The following TRPV5 variants were observed in gnomAD, a reference collection of about 807,000 sequenced individuals.
TRPV5 encodes the protein transient receptor potential cation channel subfamily V member 5.
A neutral mutation model predicts 74.1 loss-of-function variants in TRPV5; 66 were observed. The observed-to-expected ratio is 0.89, with a 90% CI of 0.73 to 1.09. TRPV5 has a LOEUF of 1.09. Among genes scored for constraint, TRPV5 ranks in the 50% least tolerant of loss-of-function variants. The pLI, the probability that TRPV5 is intolerant of heterozygous loss-of-function variation, is 0.00. For missense variants in TRPV5, 936 were observed against 930.4 expected, an observed-to-expected ratio of 1.01 and a Z score of -0.08; for synonymous variants, 399 against 360.7, an observed-to-expected ratio of 1.11 and a Z score of -1.20.
At chr7:142,933,244 G>C (rs565012250) in intron 1 of TRPV5, 88 bp downstream of exon 1, 2 of 1,519,142 alleles carry the variant, frequency 1.3e-6, no homozygotes, top group South Asian at 2.5e-5. Context: ...TACACTTCTA[G>C]GGTGCTGTAT....
In TRPV5 at chr7:142,908,461, G is replaced by T. The variant is rs1253518339; in HGVS notation, c.*53C>A. 4 of 1,592,554 alleles carry T rather than the reference G, an allele frequency of 2.5e-6. No individual in the cohort carries two copies. Among genetic ancestry groups the T allele is most frequent in the Non-Finnish European group, 3.4e-6 (4 of 1,164,482 alleles). On this transcript the variant is annotated 3_prime_UTR_variant, in exon 15 of 15. Transcript: ENST00000265310. ...TGCATAGGCAGAGGTCTCCGTCTCT[G>T]TCCCCGCCCCCAGGCCAACCGGGAG...
intron 1 of TRPV5, among the ~76,000 whole-genome samples, chr7:142,931,019 T>TTTC (rs1405394416): frequency 9.7e-6 from 1 of 103,004 alleles, no homozygotes; most frequent in East Asian, 2.2e-4. Context: ...CTCAGGCTAT[T>TTTC]TTTTTTTTTT....
Position 142,914,981 on chromosome 7 carries a change from A to G in TRPV5, c.1352T>C (p.Val451Ala), listed in dbSNP as rs2116580136. ...CACCAGGGCAAAGGACATGGGCACC[A>G]CCTCCCCATTGGTGTTGGTGAGCCG... is the stretch of plus-strand genomic sequence containing the variant. Reference protein sequence around the residue: ...VMRLTNTNGEVVPMSFALVLG... With the variant: ...VMRLTNTNGEAVPMSFALVLG... The change falls in exon 11 of 15, where the codon GTG (valine) becomes GCG (alanine). Residue 451 changes from valine (V) to alanine (A), a missense_variant. By Grantham distance (64) the Val-to-Ala change is moderately conservative. Coordinates refer to ENST00000265310, the MANE Select transcript of TRPV5 (RefSeq NM_019841.7). 1 of 1,613,954 alleles carries G rather than the reference A, an allele frequency of 6.2e-7. No homozygotes were observed. The highest frequency in any genetic ancestry group is 2.2e-5 in the East Asian group (1 of 44,866).
rs78970331 is a variant in TRPV5, at chr7:142,911,725, C to T, written c.1788+757G>A. 1.7e-3 allele frequency among the ~76,000 whole-genome samples: 257 copies of T among 152,280 alleles called. 1 individual carries two copies. The highest frequency in any genetic ancestry group is 6.0e-3 in the African/African-American group (250 of 41,552). On this transcript the variant is annotated intron_variant, in intron 13 of 14. Coordinates refer to ENST00000265310, the MANE Select transcript of TRPV5 (RefSeq NM_019841.7). ...CCTAGCTCCTAGGCATTTGTCAACA[C>T]ATAGCAGGGTCTAAATGATCATCAT...
At chr7:142,911,105 T>C (rs548674596) in intron 13 of TRPV5, among the ~76,000 whole-genome samples, 2 of 152,244 alleles carry the variant, frequency 1.3e-5, no homozygotes, top group East Asian at 1.9e-4. Flanking sequence ...ACAACGTGAG[T>C]GGGGCCCTCG....
chr7:142,932,889 C>G (rs1296110166), intron 1 of TRPV5, among the ~76,000 whole-genome samples: 5 of 152,222 alleles, frequency 3.3e-5, no homozygotes, highest in Admixed American at 3.3e-4. Context: ...CCCAGTGTTA[C>G]ACCAAACAAA....
In TRPV5 at chr7:142,925,473, C is replaced by A. The variant is rs773306471; in HGVS notation, c.1122+56G>T. On this transcript the variant is annotated intron_variant, in intron 8 of 14. Coordinates refer to ENST00000265310, the MANE Select transcript of TRPV5 (RefSeq NM_019841.7). ...GTCCCTGAGTAGCATGGCTTCGTTT[C>A]CAGCACCATCACCCCTTGATGCAAT... 3.8e-6 allele frequency: 6 copies of A among 1,593,414 alleles called. No individual in the cohort carries two copies. The South Asian group carries it at 6.6e-5, about 18-fold the overall frequency.
At chr7:142,914,617 T>C in intron 12 of TRPV5, 23 bp downstream of exon 12, 1 of 1,605,840 alleles carries the variant, frequency 6.2e-7, no homozygotes, top group South Asian at 1.1e-5. Context: ...GCTGATCTAG[T>C]AGAGGAGTGT....
chr7:142,930,098 T>A lies in TRPV5; in HGVS notation c.309A>T (p.Pro103=), dbSNP rs769494885. The change falls in exon 3 of 15, where the codon CCA becomes CCT. Residue 103 remains proline, a synonymous_variant. Transcript: ENST00000265310. ...EAALVLMEAA[P]ELVFEPTTCE... is the part of the protein sequence containing the mutation. ...ATGTGGTGGGCTCAAAGACCAGCTC[T>A]GGGGCAGCCTCCATCAGCACCAAGG... is the stretch of plus-strand genomic sequence containing the variant. 6.2e-7 allele frequency: 1 copy of A among 1,614,204 alleles called. No individual in the cohort carries two copies. Among genetic ancestry groups the A allele is most frequent in the East Asian group, 2.2e-5 (1 of 44,872 alleles).
At chr7:142,910,951 T>C (rs1795693157) in intron 13 of TRPV5, among the ~76,000 whole-genome samples, 1 of 152,148 alleles carries the variant, frequency 6.6e-6, no homozygotes, top group Non-Finnish European at 1.5e-5. Context: ...CTCCACTATC[T>C]AGTCCTTGGT....
intron 13 of TRPV5, among the ~76,000 whole-genome samples, chr7:142,910,399 C>T (rs1795684949): frequency 6.6e-6 from 1 of 152,178 alleles, no homozygotes; most frequent in African/African-American, 2.4e-5. Context: ...AGACCTGACT[C>T]AGCTTTAGGT....
In TRPV5 at chr7:142,915,168, T is replaced by A. The variant is rs903406506; in HGVS notation, c.1287-122A>T. 6.6e-6 allele frequency: 10 copies of A among 1,514,420 alleles called. No homozygotes were observed. In the African/African-American group the frequency reaches 1.4e-4, roughly 21 times the overall value. The allele number at this position is 1,514,420 out of a possible 1,614,324, so 93.8% of individuals were successfully genotyped here. ...TTAGTCTTTACACCTAAAACGCACA[T>A]ACAGTTACACCTACAAGTCCACTGG... On this transcript the variant is annotated intron_variant, in intron 10 of 14. Transcript: ENST00000265310.
intron 8 of TRPV5, among the ~76,000 whole-genome samples, chr7:142,923,439 ACATAGTCATCC>A (rs2116594160): frequency 6.6e-6 from 1 of 152,352 alleles, no homozygotes; most frequent in African/African-American, 2.4e-5. Flanking sequence ...AATAAGAAGA[ACATAGTCATCC>A]CATAAATCAG....
chr7:142,914,754 G>A (rs1201312338), intron 11 of TRPV5, 48 bp from the exon 12 acceptor site: 2 of 1,609,442 alleles, frequency 1.2e-6, no homozygotes, highest in Non-Finnish European at 1.7e-6. Context: ...CTTTTCCACT[G>A]CTTTTGAGCA....
At chr7:142,925,831 C>T (rs1305724047) in intron 7 of TRPV5, 90 bp from the exon 8 acceptor site, 1 of 1,077,086 alleles carries the variant, frequency 9.3e-7, no homozygotes, top group African/African-American at 1.6e-5. Flanking sequence ...GGGCAGCAAC[C>T]ATCACTCACT....
At chr7:142,909,754 C>T (rs1795676227) in intron 13 of TRPV5, among the ~76,000 whole-genome samples, 158 bp from the exon 14 acceptor site, 2 of 152,210 alleles carry the variant, frequency 1.3e-5, no homozygotes, top group Admixed American at 6.5e-5. Flanking sequence ...CAGCCTGTGC[C>T]AGGCACCATG....
At position 142,933,519 on chromosome 7, in the gene TRPV5, A is replaced by G; in HGVS notation, c.-60T>C. 1 of 1,577,476 alleles carries G rather than the reference A, an allele frequency of 6.3e-7. No individual in the cohort carries two copies. The highest frequency in any genetic ancestry group is 8.6e-7 in the Non-Finnish European group (1 of 1,163,250). On this transcript the variant is annotated 5_prime_UTR_variant, in exon 1 of 15. Coordinates refer to ENST00000265310, the MANE Select transcript of TRPV5 (RefSeq NM_019841.7). ...ATGTGGCGAAAGAAACAGGTCTAGG[A>G]TGACAGCAACTGAGCAAGAGATGGG...
chr7:142,915,481 C>T lies in TRPV5; in HGVS notation c.1209+1G>A, dbSNP rs1795780277. The T allele has an allele frequency of 1.2e-6, 2 of 1,613,930 alleles. No individual in the cohort carries two copies. Among genetic ancestry groups the T allele is most frequent in the African/African-American group, 1.3e-5 (1 of 74,888 alleles). ...TAGCCTGGACCCCGCCTGCCCCTCACCTCTAGGAGCAGGATGATCACAGCC... is the reference window on the plus strand; with the variant it reads ...TAGCCTGGACCCCGCCTGCCCCTCATCTCTAGGAGCAGGATGATCACAGCC... On this transcript the variant is annotated splice_donor_variant, in intron 9 of 14. Transcript: ENST00000265310. LOFTEE classifies it high-confidence loss of function.
chr7:142,919,917 C>A (rs532122919), intron 8 of TRPV5, among the ~76,000 whole-genome samples: 1 of 152,210 alleles, frequency 6.6e-6, no homozygotes, highest in Non-Finnish European at 1.5e-5. Context: ...TTTTTCCCCC[C>A]CATGATCCCA....
Sources: gnomAD v4.1 joint callset for allele counts (sites outside exome capture counted in the v4.1 genomes callset) on GRCh38, gnomAD v4.1.1 for gene constraint, MANE v1.5 for transcripts, NCBI Gene and HGNC (gene_info 2026-07-23, HGNC 2026-07-21) for gene names.